The following SGCD variants were observed in gnomAD, a reference collection of about 807,000 sequenced individuals.
The protein encoded by SGCD is sarcoglycan delta, also known as delta-sarcoglycan.
Under a neutral mutation model 36.6 loss-of-function variants are expected in SGCD, and 18 were observed. That is an observed-to-expected ratio of 0.49 (90% CI 0.34 to 0.73). The LOEUF is 0.73. SGCD is among the 30% of genes least tolerant of loss of function. SGCD has a pLI of 0.01. For missense variants in SGCD, 387 were observed against 346.7 expected (o/e 1.12, Z -0.92); for synonymous variants, 133 against 130.6 (o/e 1.02, Z -0.12).
At chr5:156,280,697 A>G (rs954913590) in intron 3 of SGCD, among the ~76,000 whole-genome samples, 3 of 152,164 alleles carry the variant, frequency 2.0e-5, no homozygotes, top group African/African-American at 4.8e-5. Flanking sequence ...TTAAAAATCA[A>G]TCATAGATAC....
Position 156,472,843 on chromosome 5 carries a change from TAAAAG to T in SGCD, c.193-35756_193-35752del, listed in dbSNP as rs1277799266. ...GTACAGATAAAACTAATCTATGTGA[TAAAAG>T]AGAAATGTTTGTCTATGGGATTAAG... On this transcript the variant is annotated intron_variant, in intron 3 of 8. Coordinates refer to ENST00000337851, the MANE Select transcript of SGCD (RefSeq NM_000337.6). Among the ~76,000 whole-genome samples, 5 of 152,324 alleles carry T rather than the reference TAAAAG, an allele frequency of 3.3e-5. No individual in the cohort carries two copies. In the South Asian group the frequency reaches 8.3e-4, roughly 25 times the overall value.
At chr5:155,846,809 A>C in the SGCD span, among the ~76,000 whole-genome samples, 1 of 152,198 alleles carries the variant, frequency 6.6e-6, no homozygotes, top group Admixed American at 6.5e-5. Context: ...ATTTCTTCTA[A>C]GACCCTATCA....
intron 3 of SGCD, among the ~76,000 whole-genome samples, chr5:156,441,515 G>A (rs956353802): frequency 2.6e-5 from 4 of 152,026 alleles, no homozygotes; most frequent in African/African-American, 4.8e-5. Flanking sequence ...ATTACATATG[G>A]TACAGAACTA....
In SGCD at chr5:156,150,956, TGACTG is replaced by T. The variant is rs569670303; in HGVS notation, c.-44+26940_-44+26944del. ...ATCTGTACTTCAAGGGCTCTTAAGA[TGACTG>T]GAAGAGGAAAATATGACTTCAGTAG... is the stretch of plus-strand genomic sequence containing the variant. On this transcript the variant is annotated intron_variant, in intron 3 of 9. Coordinates refer to the SGCD transcript ENST00000517913. Among the ~76,000 whole-genome samples the T allele has an allele frequency of 1.7e-3, 261 of 151,734 alleles. 10 individuals are homozygous for T. The highest frequency in any genetic ancestry group is 6.0e-3 in the African/African-American group (247 of 41,028).
chr5:155,728,261 G>T, the SGCD span, among the ~76,000 whole-genome samples: 3 of 150,504 alleles, frequency 2.0e-5, no homozygotes, highest in South Asian at 4.1e-4. Context: ...GTGGGCGCGC[G>T]GGAGGTGGCG....
rs567916954 is a variant in SGCD at position 156,188,242 on chromosome 5, A to C, written c.-44+64223A>C. On this transcript the variant is annotated intron_variant, in intron 3 of 9. Coordinates refer to the SGCD transcript ENST00000517913. The stretch of plus-strand genomic sequence containing the variant: ...GCGTTATTCCAGGTGCTTGGCATAC[A>C]TCATTAAAAACAACTGACAATGATC... Among the ~76,000 whole-genome samples, 9 of 152,290 alleles carry C rather than the reference A, an allele frequency of 5.9e-5. No individual in the cohort carries two copies. In the East Asian group the frequency reaches 1.7e-3, roughly 29 times the overall value.
At chr5:156,390,136 A>G (rs953423330) in intron 3 of SGCD, among the ~76,000 whole-genome samples, 2 of 152,208 alleles carry the variant, frequency 1.3e-5, no homozygotes, top group Admixed American at 6.5e-5. Context: ...ATACATGATA[A>G]TGATAAGAAA....
chr5:156,643,275 G>T (rs112465537), intron 6 of SGCD, among the ~76,000 whole-genome samples: 6 of 151,916 alleles, frequency 3.9e-5, no homozygotes, highest in Non-Finnish European at 7.4e-5. Context: ...CAGGTGATCC[G>T]CCCACCTTGG....
chr5:156,164,960 A>G (rs1401587888), intron 3 of SGCD, among the ~76,000 whole-genome samples: 1 of 152,238 alleles, frequency 6.6e-6, no homozygotes, highest in Non-Finnish European at 1.5e-5. Flanking sequence ...AATTGACATG[A>G]AAATGTTTTC....
At chr5:156,668,127 A>T (rs1020785601) in intron 7 of SGCD, among the ~76,000 whole-genome samples, 1 of 152,118 alleles carries the variant, frequency 6.6e-6, no homozygotes, top group Non-Finnish European at 1.5e-5. Flanking sequence ...AACTGTCCTC[A>T]CTGCATGTTG....
chr5:156,012,707 G>A lies in SGCD; in HGVS notation c.-281-105171G>A, dbSNP rs1758885770. Among the ~76,000 whole-genome samples the A allele has an allele frequency of 5.3e-5, 8 of 150,826 alleles. 1 individual carries two copies. Among genetic ancestry groups the A allele is most frequent in the Admixed American group, 5.3e-4 (8 of 15,132 alleles). On this transcript the variant is annotated intron_variant, in intron 1 of 9. Coordinates refer to the SGCD transcript ENST00000517913. ...GGCTCACTGCAAGCTCCGCCTCCTG[G>A]GTTCACGCCATTCTCCCACCTCAGC...
At chr5:156,077,497 T>C (rs894947539) in intron 1 of SGCD, among the ~76,000 whole-genome samples, 4 of 152,076 alleles carry the variant, frequency 2.6e-5, no homozygotes, top group Non-Finnish European at 5.9e-5. Context: ...AAACTCAGAG[T>C]CCAGGGTGGT....
intron 7 of SGCD, among the ~76,000 whole-genome samples, chr5:156,715,553 T>C (rs78302942): frequency 0.027 from 4,039 of 152,328 alleles, 176 homozygotes; most frequent in African/African-American, 0.092. Context: ...TGCATTTACT[T>C]GGAGCTGCTA....
intron 1 of SGCD, among the ~76,000 whole-genome samples, chr5:156,101,902 C>CTGTG (rs36187985): frequency 0.065 from 6,999 of 107,600 alleles, 247 homozygotes; most frequent in Non-Finnish European, 0.081. Flanking sequence ...GTGTCTCCAG[C>CTGTG]TGTGTGTGTG....
intron 1 of SGCD, among the ~76,000 whole-genome samples, chr5:155,937,905 A>G (rs1439500222): frequency 2.0e-5 from 3 of 152,212 alleles, no homozygotes; most frequent in Non-Finnish European, 2.9e-5. Context: ...GAGAAGAGTG[A>G]AAGCTGAGGT....
At chr5:156,498,936 G>C (rs6869569) in intron 3 of SGCD, among the ~76,000 whole-genome samples, 120 of 24,602 alleles carry the variant, frequency 4.9e-3, no homozygotes, top group African/African-American at 0.014. Context: ...TGTGTGCTAC[G>C]TGTGTGTGTG....
In SGCD at chr5:156,109,699, C is replaced by A. The variant is rs10074762; in HGVS notation, c.-281-8179C>A. Among the ~76,000 whole-genome samples the A allele has an allele frequency of 1.5e-3, 235 of 152,254 alleles. 2 individuals are homozygous for A. The highest frequency in any genetic ancestry group is 5.3e-3 in the African/African-American group (222 of 41,574). ...CCTCTTATGCTTTCATCTAACCAAACCCCCTTCAGCCTCCATCTCATGCCC... is the reference window on the plus strand; with the variant it reads ...CCTCTTATGCTTTCATCTAACCAAAACCCCTTCAGCCTCCATCTCATGCCC... On this transcript the variant is annotated intron_variant, in intron 1 of 9. Transcript: ENST00000517913.
chr5:156,023,047 A>G (rs1759142982), intron 1 of SGCD, among the ~76,000 whole-genome samples: 1 of 152,184 alleles, frequency 6.6e-6, no homozygotes, highest in Admixed American at 6.5e-5. Flanking sequence ...CAAAAACAGA[A>G]TTTGCATTAT....
chr5:155,913,739 TA>T (rs138667576), intron 1 of SGCD, among the ~76,000 whole-genome samples: 32 of 151,746 alleles, frequency 2.1e-4, no homozygotes, highest in Middle Eastern at 3.4e-3. Context: ...GGATTCTTTT[TA>T]AAAAAAAATA....
Sources: allele counts gnomAD v4.1 joint callset (sites outside exome capture counted in the v4.1 genomes callset), GRCh38; gene constraint gnomAD v4.1.1; transcripts MANE v1.5; gene names NCBI Gene and HGNC (gene_info 2026-07-23, HGNC 2026-07-21).